TBC1D23: variants seen among roughly 807,000 people sequenced by gnomAD.
The protein encoded by TBC1D23 is HCV non-structural protein 4A-transactivated protein 1.
Under a neutral mutation model 91.4 loss-of-function variants are expected in TBC1D23, and 55 were observed. The ratio of observed to expected loss-of-function variants is 0.60; its 90% confidence interval spans 0.48 to 0.75. The LOEUF (loss-of-function observed/expected upper bound fraction) is 0.75. Ranked by LOEUF, TBC1D23 falls within the 30% of genes least tolerant of loss-of-function variation. The pLI, the probability that TBC1D23 is intolerant of heterozygous loss-of-function variation, is 0.00. For synonymous variants in TBC1D23, 289 were observed against 281.0 expected (o/e 1.03, Z -0.28); for missense variants, 725 against 836.1 (o/e 0.87, Z 1.64).
intron 1 of TBC1D23, among the ~76,000 whole-genome samples, chr3:100,279,101 A>G (rs1204430410): frequency 1.3e-5 from 2 of 152,332 alleles, no homozygotes; most frequent in Non-Finnish European, 2.9e-5. Context: ...ATAATATGAC[A>G]TGTGACCCTA....
chr3:100,276,170 A>G (rs1158613868), intron 1 of TBC1D23, among the ~76,000 whole-genome samples: 1 of 152,026 alleles, frequency 6.6e-6, no homozygotes, highest in Admixed American at 6.6e-5. Flanking sequence ...ATATTTAAAC[A>G]GTTTTCATAA....
In TBC1D23 at chr3:100,290,720, G is replaced by A; in HGVS notation, c.600+19G>A. The A allele has an allele frequency of 6.6e-7, 1 of 1,506,972 alleles. No individual in the cohort carries two copies. Among genetic ancestry groups the A allele is most frequent in the Non-Finnish European group, 8.9e-7 (1 of 1,120,876 alleles). 93.4% of individuals were successfully genotyped at this position (1,506,972 alleles called of 1,614,324 possible). On this transcript the variant is annotated intron_variant, in intron 5 of 18. Coordinates refer to ENST00000394144, the MANE Select transcript of TBC1D23 (RefSeq NM_001199198.3). ...CAACTGGGTAATAAAGTGAAAGTAG[G>A]AACATTTAATGAAAAATAGATTTAT... is the stretch of plus-strand genomic sequence containing the variant.
At chr3:100,281,161 C>T (rs2067690895) in intron 2 of TBC1D23, among the ~76,000 whole-genome samples, 1 of 151,798 alleles carries the variant, frequency 6.6e-6, no homozygotes, top group Non-Finnish European at 1.5e-5. Context: ...AACTCAGTCT[C>T]AAAAAATAAA....
At chr3:100,321,741 C>T (rs1328661187) in intron 18 of TBC1D23, among the ~76,000 whole-genome samples, 1 of 151,756 alleles carries the variant, frequency 6.6e-6, no homozygotes, top group Non-Finnish European at 1.5e-5. Flanking sequence ...TATTCAGCTT[C>T]TTTCATCTTG....
At chr3:100,312,935 C>G (rs778226914) in intron 15 of TBC1D23, among the ~76,000 whole-genome samples, 1 of 151,918 alleles carries the variant, frequency 6.6e-6, no homozygotes, top group Non-Finnish European at 1.5e-5. Flanking sequence ...GGGCGGATCA[C>G]GAGGTCAGGA....
intron 1 of TBC1D23, among the ~76,000 whole-genome samples, chr3:100,267,963 G>A (rs2067570128): frequency 6.6e-6 from 1 of 152,136 alleles, no homozygotes; most frequent in African/African-American, 2.4e-5. Flanking sequence ...TTGAGCTCAG[G>A]AGTTCGAGAC....
Position 100,289,182 on chromosome 3 carries a change from T to C in TBC1D23, c.477-1396T>C, listed in dbSNP as rs568141839. Among the ~76,000 whole-genome samples, 54 of 152,014 alleles carry C rather than the reference T, an allele frequency of 3.6e-4. 1 individual carries two copies. Among genetic ancestry groups the C allele is most frequent in the Admixed American group, 2.0e-4 (3 of 15,268 alleles). ...GTGAGCCGAGATCACGCCATTGCACTCCAACCTGAGTGACAGAGCTAGACC... is the reference window on the plus strand; with the variant it reads ...GTGAGCCGAGATCACGCCATTGCACCCCAACCTGAGTGACAGAGCTAGACC... On this transcript the variant is annotated intron_variant, in intron 4 of 18. Coordinates refer to ENST00000394144, the MANE Select transcript of TBC1D23 (RefSeq NM_001199198.3).
In TBC1D23 at chr3:100,283,653, T is replaced by A. The variant is rs1477745064; in HGVS notation, c.318T>A (p.Asp106Glu). ...AGAAGGCAGCAGAATTACTTTTGGA[T>A]ATTGAATCTGTAATTACCTTTTATT... is the stretch of plus-strand genomic sequence containing the variant. ...PEEKAAELLL[D>E]IESVITFYCK... The change falls in exon 4 of 19, where the codon GAT becomes GAA. Residue 106 changes from aspartate to glutamate, a missense_variant. Coordinates refer to ENST00000394144, the MANE Select transcript of TBC1D23 (RefSeq NM_001199198.3). The A allele has an allele frequency of 2.5e-6, 4 of 1,613,822 alleles. No homozygotes were observed. The highest frequency in any genetic ancestry group is 3.4e-6 in the Non-Finnish European group (4 of 1,179,826).
At chr3:100,312,101 A>G (rs1186713580) in intron 15 of TBC1D23, among the ~76,000 whole-genome samples, 1 of 152,054 alleles carries the variant, frequency 6.6e-6, no homozygotes, top group Admixed American at 6.5e-5. Flanking sequence ...GCTTGTTTGT[A>G]TCACCCATTC....
intron 1 of TBC1D23, among the ~76,000 whole-genome samples, chr3:100,273,198 A>C: frequency 6.6e-6 from 1 of 152,212 alleles, no homozygotes; most frequent in East Asian, 1.9e-4. Context: ...ACTTGAGATT[A>C]GGGAGTGGTG....
chr3:100,283,267 G>C (rs913754633), intron 3 of TBC1D23, among the ~76,000 whole-genome samples: 3 of 152,026 alleles, frequency 2.0e-5, no homozygotes. Context: ...CTGGCTACTC[G>C]GGAGGCTAAG....
At chr3:100,297,697 T>TG (rs1181414495) in intron 8 of TBC1D23, among the ~76,000 whole-genome samples, 1 of 151,400 alleles carries the variant, frequency 6.6e-6, no homozygotes, top group African/African-American at 2.4e-5. Context: ...TAGAATGTGT[T>TG]TTTTTTTTCT....
chr3:100,309,590 TA>T lies in TBC1D23; in HGVS notation c.1414-810del, dbSNP rs557618755. Among the ~76,000 whole-genome samples, 704 of 150,854 alleles carry T rather than the reference TA, an allele frequency of 4.7e-3. 3 individuals are homozygous for T. The highest frequency in any genetic ancestry group is 6.3e-3 in the Non-Finnish European group (429 of 67,744). ...CGCACATATATGTGCAAGTATATCC[TA>T]AATTTTTTATTCTACCTTCTTTTTT... On this transcript the variant is annotated intron_variant, in intron 13 of 18. Coordinates refer to ENST00000394144, the MANE Select transcript of TBC1D23 (RefSeq NM_001199198.3).
Position 100,295,364 on chromosome 3 carries a change from T to G in TBC1D23, c.772+16T>G. 6.3e-7 allele frequency: 1 copy of G among 1,593,104 alleles called. No homozygotes were observed. Among genetic ancestry groups the G allele is most frequent in the Non-Finnish European group, 8.6e-7 (1 of 1,169,136 alleles). ...GAAGTTATCAGTAAGTATCATTTAATGTAGTGAAAACATTTCAGGTCTCTT... is the reference window on the plus strand; with the variant it reads ...GAAGTTATCAGTAAGTATCATTTAAGGTAGTGAAAACATTTCAGGTCTCTT... On this transcript the variant is annotated intron_variant, in intron 7 of 18. Coordinates refer to ENST00000394144, the MANE Select transcript of TBC1D23 (RefSeq NM_001199198.3).
chr3:100,300,447 C>G (rs894433646), intron 10 of TBC1D23, among the ~76,000 whole-genome samples: 1 of 151,544 alleles, frequency 6.6e-6, no homozygotes, highest in Non-Finnish European at 1.5e-5. Flanking sequence ...TGATTCCTCT[C>G]TCCTTCCTAT....
intron 11 of TBC1D23, among the ~76,000 whole-genome samples, chr3:100,302,981 T>C (rs564211036): frequency 9.9e-5 from 15 of 152,242 alleles, no homozygotes; most frequent in Non-Finnish European, 2.1e-4. Flanking sequence ...TGAAACTGAA[T>C]AAATACATAT....
rs368633516 is a variant in TBC1D23 at position 100,274,376 on chromosome 3, A to G, written c.54-5273A>G. On this transcript the variant is annotated intron_variant, in intron 1 of 18. Transcript: ENST00000394144. ...CTGACACTAAAGCTCAAATTTATGAATTTTTATAATACGTTAAATAGAGTT... is the reference window on the plus strand; with the variant it reads ...CTGACACTAAAGCTCAAATTTATGAGTTTTTATAATACGTTAAATAGAGTT... Among the ~76,000 whole-genome samples, 7 of 152,310 alleles carry G rather than the reference A, an allele frequency of 4.6e-5. No individual in the cohort carries two copies. The South Asian group carries it at 1.4e-3, about 32-fold the overall frequency.
intron 10 of TBC1D23, among the ~76,000 whole-genome samples, chr3:100,301,187 C>T (rs542393304): frequency 6.6e-6 from 1 of 151,214 alleles, no homozygotes; most frequent in African/African-American, 2.4e-5. Context: ...AAAGGTGGAA[C>T]CCAGCTATTT....
intron 1 of TBC1D23, among the ~76,000 whole-genome samples, chr3:100,263,827 A>AG (rs1383194170): frequency 6.6e-6 from 1 of 152,134 alleles, no homozygotes; most frequent in Non-Finnish European, 1.5e-5. Context: ...CTTAGGTTAG[A>AG]GGGATTGTGA....
Sources: gnomAD v4.1 joint callset for allele counts (sites outside exome capture counted in the v4.1 genomes callset) on GRCh38, gnomAD v4.1.1 for gene constraint, MANE v1.5 for transcripts, NCBI Gene and HGNC (gene_info 2026-07-23, HGNC 2026-07-21) for gene names.